Variants in SPATA13 observed in about 807,000 individuals in gnomAD.
SPATA13 encodes spermatogenesis-associated protein 13.
Under a neutral mutation model 104.0 loss-of-function variants are expected in SPATA13, and 50 were observed. The ratio of observed to expected loss-of-function variants is 0.48; its 90% CI spans 0.38 to 0.61. The LOEUF (loss-of-function observed/expected upper bound fraction) is 0.61. Among genes scored for constraint, SPATA13 ranks in the 20% least tolerant of loss-of-function variants. The probability of loss-of-function intolerance (pLI) is 0.00; values close to 1 mark genes in which losing one functional copy is unlikely to be tolerated. For synonymous variants in SPATA13, 606 were observed against 667.5 expected, an observed-to-expected ratio of 0.91 and a Z score of 1.42; for missense variants, 1,524 against 1,690.6, an observed-to-expected ratio of 0.90 and a Z score of 1.73.
intron 3 of SPATA13, among the ~76,000 whole-genome samples, chr13:24,139,656 C>A (rs1241983520): frequency 6.6e-6 from 1 of 152,162 alleles, no homozygotes; most frequent in Non-Finnish European, 1.5e-5. Context: ...CTACAGAAAC[C>A]CTCTCTGAGC....
intron 3 of SPATA13, among the ~76,000 whole-genome samples, chr13:24,057,238 CA>C (rs1878595959): frequency 6.6e-6 from 1 of 151,598 alleles, no homozygotes; most frequent in African/African-American, 2.4e-5. Context: ...CCCCTCCCCC[CA>C]ACCCCACAAC....
At chr13:24,287,064 C>A in intron 7 of SPATA13, 114 bp downstream of exon 7, 1 of 821,946 alleles carries the variant, frequency 1.2e-6, no homozygotes, top group Non-Finnish European at 1.8e-6. Flanking sequence ...CACATGTATG[C>A]TCATTTCTCC....
intron 2 of SPATA13, among the ~76,000 whole-genome samples, chr13:24,231,231 A>G (rs920237608): frequency 6.6e-6 from 1 of 151,986 alleles, no homozygotes; most frequent in Non-Finnish European, 1.5e-5. Context: ...CGTTTTCACC[A>G]CCCCAGAAAG....
chr13:24,104,475 G>A (rs1456109218), intron 3 of SPATA13, among the ~76,000 whole-genome samples: 1 of 152,132 alleles, frequency 6.6e-6, no homozygotes, highest in Non-Finnish European at 1.5e-5. Flanking sequence ...TGCAGTTAAG[G>A]GAAAGTATTT....
chr13:24,019,721 A>G (rs897881918), intron 3 of SPATA13, among the ~76,000 whole-genome samples: 31 of 152,334 alleles, frequency 2.0e-4, no homozygotes, highest in African/African-American at 7.0e-4. Context: ...CTAAAAAAAA[A>G]ATGACATTTT....
chr13:24,278,970 T>TCCCTCCCTCCC, intron 4 of SPATA13: 1 of 480,090 alleles, frequency 2.1e-6, no homozygotes, highest in Non-Finnish European at 3.5e-6. Context: ...CCTTCCCTCC[T>TCCCTCCCTCCC]TCCCTCCCTC....
At chr13:24,280,665 C>A (rs992418887) in intron 4 of SPATA13, among the ~76,000 whole-genome samples, 3 of 152,112 alleles carry the variant, frequency 2.0e-5, no homozygotes, top group African/African-American at 7.2e-5. Flanking sequence ...GATATCTCGG[C>A]CAGTAAGCAG....
chr13:24,161,548 TG>T lies in SPATA13; in HGVS notation c.-112+621del, dbSNP rs754899863. 6.6e-5 allele frequency among the ~76,000 whole-genome samples: 10 copies of T among 151,920 alleles called. No homozygotes were observed. Among genetic ancestry groups the T allele is most frequent in the Non-Finnish European group, 1.3e-4 (9 of 67,970 alleles). ...GTTTGGTCCCATTCTGTGCAGGAGG[TG>T]GGGGAATTGGTACTCCAGCCCCAGG... On this transcript the variant is annotated intron_variant, in intron 1 of 12. Coordinates refer to ENST00000382108, the MANE Select transcript of SPATA13 (RefSeq NM_001166271.3). The surrounding 1 kb of genome is among the most constrained non-coding windows in gnomAD (Gnocchi z 4.5).
chr13:24,152,284 A>G (rs1223459650), intron 3 of SPATA13, among the ~76,000 whole-genome samples: 1 of 152,164 alleles, frequency 6.6e-6, no homozygotes. Flanking sequence ...CCCTTTTATA[A>G]GGGCACTCCT....
intron 1 of SPATA13, among the ~76,000 whole-genome samples, chr13:24,198,675 T>G (rs7323845): frequency 0.058 from 8,773 of 152,308 alleles, 604 homozygotes; most frequent in African/African-American, 0.17. Context: ...TGAGTTTTGT[T>G]TGGTAGTCTC....
intron 3 of SPATA13, chr13:24,122,841 T>A: frequency 1.3e-6 from 1 of 773,198 alleles, no homozygotes; most frequent in Non-Finnish European, 2.4e-6. Flanking sequence ...GAAGATCTCC[T>A]CATAGAATTC....
intron 3 of SPATA13, among the ~76,000 whole-genome samples, chr13:24,082,399 G>A (rs1389894933): frequency 1.3e-5 from 2 of 152,188 alleles, no homozygotes; most frequent in African/African-American, 2.4e-5. Flanking sequence ...TGTCTGTGGC[G>A]GGGAGGGTAA....
chr13:24,015,953 T>A (rs1254928379), intron 2 of SPATA13, among the ~76,000 whole-genome samples: 1 of 152,240 alleles, frequency 6.6e-6, no homozygotes, highest in Non-Finnish European at 1.5e-5. Context: ...TCCTTCGTCC[T>A]TCTGCCCTCG....
intron 2 of SPATA13, among the ~76,000 whole-genome samples, chr13:24,016,665 C>T (rs1033007238): frequency 6.6e-6 from 1 of 152,234 alleles, no homozygotes; most frequent in Admixed American, 6.5e-5. Context: ...CTTCCTGGCT[C>T]TCAGTTTCCT....
chr13:24,000,590 A>G (rs1230419801), intron 2 of SPATA13, among the ~76,000 whole-genome samples: 3 of 152,216 alleles, frequency 2.0e-5, no homozygotes, highest in African/African-American at 7.2e-5. Context: ...GATCCAGTCT[A>G]TGAAGTGGTG....
intron 2 of SPATA13, among the ~76,000 whole-genome samples, chr13:24,246,811 C>G (rs766050784): frequency 1.3e-5 from 2 of 150,934 alleles, no homozygotes; most frequent in Non-Finnish European, 3.0e-5. Context: ...TGCGGTGAGC[C>G]GAGATCACAC....
At position 24,073,502 on chromosome 13, in the gene SPATA13, G is replaced by T. The variant is rs558562732; in HGVS notation, c.-112+55801G>T. On this transcript the variant is annotated intron_variant, in intron 3 of 14. Coordinates refer to the SPATA13 transcript ENST00000424834. ...TTTGCCTGTGACAGTGGCAGCTGAG[G>T]CATGCAGTTCTTGGGAGTGGCAGTC... Among the ~76,000 whole-genome samples the T allele has an allele frequency of 1.4e-4, 22 of 152,364 alleles. No homozygotes were observed. The South Asian group carries it at 1.7e-3, about 11-fold the overall frequency.
chr13:24,274,195 T>C (rs770861023), intron 4 of SPATA13, among the ~76,000 whole-genome samples: 1 of 152,224 alleles, frequency 6.6e-6, no homozygotes, highest in Non-Finnish European at 1.5e-5. Flanking sequence ...TGTGGCTTGC[T>C]GCATGGACAG....
intron 1 of SPATA13, among the ~76,000 whole-genome samples, chr13:24,214,407 C>T (rs183401068): frequency 2.6e-5 from 4 of 152,330 alleles, no homozygotes; most frequent in South Asian, 2.1e-4. Context: ...AAAGGTGTCA[C>T]GCCATGAGAA....
Sources: gnomAD v4.1 joint callset for allele counts (sites outside exome capture counted in the v4.1 genomes callset) on GRCh38, gnomAD v4.1.1 for gene constraint, Gnocchi (gnomAD v3.1) non-coding constraint, MANE v1.5 for transcripts, NCBI Gene and HGNC (gene_info 2026-07-23, HGNC 2026-07-21) for gene names.